TOM1L2: variants seen among roughly 807,000 people sequenced by gnomAD.
TOM1L2 encodes the protein target of myb1 like 2 membrane trafficking protein.
TOM1L2 carries 31 observed loss-of-function variants against 67.9 expected under a neutral mutation model. The ratio of observed to expected loss-of-function variants is 0.46; its 90% confidence interval spans 0.34 to 0.62. The LOEUF is 0.62. Among genes scored for constraint, TOM1L2 ranks in the 20% least tolerant of loss-of-function variants. The probability of loss-of-function intolerance (pLI) is 0.01; values close to 1 mark genes in which losing one functional copy is unlikely to be tolerated. For synonymous variants in TOM1L2, 256 were observed against 254.0 expected, an observed-to-expected ratio of 1.01 and a Z score of -0.07; for missense variants, 606 against 663.5, an observed-to-expected ratio of 0.91 and a Z score of 0.95.
chr17:17,866,032 G>T (rs143754531), intron 10 of TOM1L2, among the ~76,000 whole-genome samples: 85 of 152,232 alleles, frequency 5.6e-4, no homozygotes, highest in Middle Eastern at 6.8e-3. Flanking sequence ...GTGAGCCACT[G>T]CGCACGGCCG....
chr17:17,966,010 A>G lies in TOM1L2; in HGVS notation c.52+6252T>C, dbSNP rs185923997. ...ATGGTGGGCACCTGTAATCCCAGCT[A>G]CTTGGGAGGCTGAGACAGGAGAATC... On this transcript the variant is annotated intron_variant, in intron 1 of 14. Coordinates refer to ENST00000379504, the MANE Select transcript of TOM1L2 (RefSeq NM_001082968.2). 1.1e-4 allele frequency among the ~76,000 whole-genome samples: 16 copies of G among 152,262 alleles called. No individual in the cohort carries two copies. In the East Asian group the frequency reaches 3.1e-3, roughly 29 times the overall value.
At chr17:17,918,371 C>T (rs1031884026) in intron 1 of TOM1L2, among the ~76,000 whole-genome samples, 10 of 151,890 alleles carry the variant, frequency 6.6e-5, no homozygotes, top group African/African-American at 2.4e-4. Flanking sequence ...CTTTTTCTTC[C>T]CTAACTGCTC....
At chr17:17,909,448 A>G (rs2039244391) in intron 1 of TOM1L2, among the ~76,000 whole-genome samples, 1 of 152,156 alleles carries the variant, frequency 6.6e-6, no homozygotes, top group Non-Finnish European at 1.5e-5. Flanking sequence ...CATGCACAAT[A>G]TGGCTGAACC....
intron 7 of TOM1L2, among the ~76,000 whole-genome samples, chr17:17,871,128 T>C (rs946394085): frequency 2.2e-4 from 34 of 152,090 alleles, no homozygotes; most frequent in Middle Eastern, 3.2e-3. Context: ...CCCAAAACTA[T>C]TGGAGGCCGA....
At chr17:17,854,188 G>A (rs114923482) in intron 12 of TOM1L2, among the ~76,000 whole-genome samples, 357 of 152,346 alleles carry the variant, frequency 2.3e-3, no homozygotes, top group African/African-American at 7.9e-3. Flanking sequence ...ACAGGGCAAA[G>A]TTCCTTCTAA....
intron 1 of TOM1L2, among the ~76,000 whole-genome samples, chr17:17,911,185 C>A (rs539162538): frequency 6.6e-6 from 1 of 152,282 alleles, no homozygotes; most frequent in South Asian, 2.1e-4. Context: ...GGCATCCTGG[C>A]CTGGGTCCTA....
At chr17:17,896,708 G>A (rs1295763984) in intron 3 of TOM1L2, among the ~76,000 whole-genome samples, 1 of 152,236 alleles carries the variant, frequency 6.6e-6, no homozygotes. Flanking sequence ...AAGCCATGGA[G>A]AAAGTAAACG....
chr17:17,969,081 G>C (rs1020325370), intron 1 of TOM1L2, among the ~76,000 whole-genome samples: 3 of 146,480 alleles, frequency 2.0e-5, no homozygotes, highest in Non-Finnish European at 4.5e-5. Flanking sequence ...TTTGGAGACA[G>C]AGTCTCACTC....
chr17:17,873,738 T>C (rs1027728010), intron 7 of TOM1L2, among the ~76,000 whole-genome samples: 5 of 152,266 alleles, frequency 3.3e-5, no homozygotes, highest in Admixed American at 6.5e-5. Flanking sequence ...AAGTCTCCAG[T>C]CCTCTCCAGG....
intron 1 of TOM1L2, among the ~76,000 whole-genome samples, chr17:17,961,714 A>G (rs2041685222): frequency 6.6e-6 from 1 of 152,118 alleles, no homozygotes. Flanking sequence ...TCTACTAAAA[A>G]TACAAAAATT....
At position 17,845,924 on chromosome 17, in the gene TOM1L2, C is replaced by G. The variant is rs944243915; in HGVS notation, c.*1711G>C. 6.6e-6 allele frequency: 1 copy of G among 152,372 alleles called. No homozygotes were observed. Among genetic ancestry groups the G allele is most frequent in the African/African-American group, 2.4e-5 (1 of 41,466 alleles). The allele number at this position is 152,372 out of a possible 1,614,324, so 9.4% of individuals were successfully genotyped here. ...CCACGGAGGAGCTTCCTGGGTGAAC[C>G]TGAGCAACTGGAGTGAGACATCCCA... On this transcript the variant is annotated 3_prime_UTR_variant, in exon 15 of 15. Transcript: ENST00000379504.
intron 7 of TOM1L2, 171 bp from the exon 8 acceptor site, chr17:17,869,644 C>A: frequency 1.4e-6 from 2 of 1,391,902 alleles, no homozygotes; most frequent in Non-Finnish European, 9.3e-7. Context: ...TCACTGCCTG[C>A]CCCTCCTTCC....
chr17:17,961,674 C>A (rs953963841), intron 1 of TOM1L2, among the ~76,000 whole-genome samples: 16 of 152,032 alleles, frequency 1.1e-4, no homozygotes, highest in African/African-American at 3.9e-4. Flanking sequence ...GAGATCGAGA[C>A]CATCCTGGCT....
At chr17:17,873,652 A>G (rs1396094903) in intron 7 of TOM1L2, among the ~76,000 whole-genome samples, 1 of 152,216 alleles carries the variant, frequency 6.6e-6, no homozygotes, top group East Asian at 1.9e-4. Context: ...AGTCTCCTCA[A>G]CAGAGCCCTA....
intron 1 of TOM1L2, among the ~76,000 whole-genome samples, chr17:17,969,705 C>T (rs2041996702): frequency 6.6e-6 from 1 of 152,240 alleles, no homozygotes; most frequent in South Asian, 2.1e-4. Context: ...TTTCACATAT[C>T]CTCTCCAGAT....
chr17:17,851,432 G>A, intron 12 of TOM1L2: 1 of 202,376 alleles, frequency 4.9e-6, no homozygotes, highest in South Asian at 7.4e-5. Flanking sequence ...GGGCAGGGCA[G>A]CACCAGCCCC....
intron 2 of TOM1L2, among the ~76,000 whole-genome samples, chr17:17,905,502 C>G (rs967156515): frequency 6.6e-6 from 1 of 152,222 alleles, no homozygotes; most frequent in African/African-American, 2.4e-5. Context: ...CATCTCACAC[C>G]AGTATTACTG....
At chr17:17,928,485 A>G (rs1331304960) in intron 1 of TOM1L2, among the ~76,000 whole-genome samples, 4 of 152,282 alleles carry the variant, frequency 2.6e-5, no homozygotes, top group Admixed American at 2.6e-4. Context: ...GCATGCTCAC[A>G]TAATGGAAAG....
At chr17:17,929,937 C>T (rs1376627762) in intron 1 of TOM1L2, among the ~76,000 whole-genome samples, 1 of 152,318 alleles carries the variant, frequency 6.6e-6, no homozygotes, top group East Asian at 1.9e-4. Flanking sequence ...GAGTGAGGTA[C>T]TACAGAGAGT....
Sources: gnomAD v4.1 joint callset for allele counts (sites outside exome capture counted in the v4.1 genomes callset) on GRCh38, gnomAD v4.1.1 for gene constraint, MANE v1.5 for transcripts, NCBI Gene and HGNC (gene_info 2026-07-23, HGNC 2026-07-21) for gene names.